The following IL20 variants were observed in gnomAD, a reference collection of about 807,000 sequenced individuals.
IL20 encodes the protein interleukin-20.
In IL20, 22 loss-of-function variants were observed where a neutral mutation model predicts 19.2. That is an observed-to-expected ratio of 1.15 (90% CI 0.82 to 1.64). The LOEUF (loss-of-function observed/expected upper bound fraction) is 1.64, where lower values mean the gene tolerates loss of function less well. Among genes scored for constraint, IL20 ranks in the 40% most tolerant of loss-of-function variants. The pLI, the probability that IL20 is intolerant of heterozygous loss-of-function variation, is 0.00. For missense variants in IL20, 215 were observed against 212.8 expected (o/e 1.01, Z -0.06); for synonymous variants, 70 against 76.2 (o/e 0.92, Z 0.43).
chr1:206,865,761 C>A lies in IL20; in HGVS notation c.-30-62C>A. ...TCTTCCCCTGACCCCCCACCCCTCA[C>A]CCCGTGGACACTTGGAGGAGGGGAA... is the stretch of plus-strand genomic sequence containing the variant. On this transcript the variant is annotated intron_variant, in intron 1 of 5. Coordinates refer to ENST00000367098, the MANE Select transcript of IL20 (RefSeq NM_018724.4). This position sits in a 1 kb window ranked among gnomAD's most constrained non-coding sequence, Gnocchi z 4.1. 1.3e-6 allele frequency: 2 copies of A among 1,531,404 alleles called. No individual in the cohort carries two copies. The highest frequency in any genetic ancestry group is 1.4e-5 in the African/African-American group (1 of 72,980). 94.9% of individuals were successfully genotyped at this position (1,531,404 alleles called of 1,614,324 possible). A position where few individuals can be genotyped will look rare whatever the true frequency, so the allele number is the denominator to read the frequency against.
chr1:206,867,030 T>G (rs1264516243), intron 4 of IL20, among the ~76,000 whole-genome samples: 1 of 89,286 alleles, frequency 1.1e-5, no homozygotes, highest in African/African-American at 4.5e-5. Context: ...GGAATTCAAT[T>G]CTTTTTTTTT....
chr1:206,868,595 C>T lies in IL20; in HGVS notation c.*31C>T, dbSNP rs146056865. 6.5e-6 allele frequency: 10 copies of T among 1,540,752 alleles called. No individual in the cohort carries two copies. The highest frequency in any genetic ancestry group is 4.1e-5 in the African/African-American group (3 of 72,828). ...AAGTGATGCTGCTGCTAAGAATATT[C>T]GAGGTCAAGAGCTCCAGTCTTCAAT... On this transcript the variant is annotated 3_prime_UTR_variant, in exon 6 of 6. Transcript: ENST00000367098.
chr1:206,868,530 A>G lies in IL20; in HGVS notation c.497A>G (p.Asp166Gly). The G allele has an allele frequency of 6.2e-7, 1 of 1,606,896 alleles. No individual in the cohort carries two copies. The highest frequency in any genetic ancestry group is 8.5e-7 in the Non-Finnish European group (1 of 1,176,638). ...GTTGTGAAGGCTTTGGGGGAACTAG[A>G]CATTCTTCTGCAATGGATGGAGGAG... is the stretch of plus-strand genomic sequence containing the variant. Reference protein sequence around the residue: ...AAVVKALGELDILLQWMEETE With the variant: ...AAVVKALGELGILLQWMEETE The change falls in exon 6 of 6, where the codon GAC (aspartate) becomes GGC (glycine). Residue 166 changes from aspartate to glycine, a missense_variant. Coordinates refer to ENST00000367098, the MANE Select transcript of IL20 (RefSeq NM_018724.4).
intron 4 of IL20, 136 bp downstream of exon 4, chr1:206,866,772 A>G (rs1677561983): frequency 2.2e-6 from 2 of 892,524 alleles, no homozygotes; most frequent in Non-Finnish European, 3.5e-6. Flanking sequence ...GTGTTGAGAC[A>G]TGTGACTAGG....
At chr1:206,864,005 G>C (rs1677482624), upstream of IL20, among the ~76,000 whole-genome samples, 2 of 152,146 alleles carry the variant, frequency 1.3e-5, no homozygotes, top group Admixed American at 1.3e-4. Flanking sequence ...TCAGAGGTGA[G>C]TTGACTTGTC....
chr1:206,865,606 A>C, upstream of IL20: 2 of 1,304,158 alleles, frequency 1.5e-6, no homozygotes, highest in Non-Finnish European at 2.0e-6. The surrounding 1 kb of genome is among the most constrained non-coding windows in gnomAD (Gnocchi z 4.1). Context: ...AGGAGCCACG[A>C]CCTGTGCCAC....
At chr1:206,865,575 G>A, upstream of IL20, 1 of 1,203,122 alleles carries the variant, frequency 8.3e-7, no homozygotes, top group Admixed American at 3.8e-5. This position sits in a 1 kb window ranked among gnomAD's most constrained non-coding sequence, Gnocchi z 4.1. Flanking sequence ...TAACGGCGGA[G>A]CCAGGATGGG....
Position 206,868,638 on chromosome 1 carries a change from G to T in IL20, c.*74G>T. ...TCTTCAATACCTGCAGAGGAGGCAT[G>T]ACCCCAAACCACCATCTCTTTACTG... is the stretch of plus-strand genomic sequence containing the variant. On this transcript the variant is annotated 3_prime_UTR_variant, in exon 6 of 6. Transcript: ENST00000367098. 1 of 1,079,194 alleles carries T rather than the reference G, an allele frequency of 9.3e-7. No homozygotes were observed. The highest frequency in any genetic ancestry group is 1.7e-5 in the South Asian group (1 of 60,132). The allele number at this position is 1,079,194 out of a possible 1,614,324, so 66.9% of individuals were successfully genotyped here. A position where few individuals can be genotyped will look rare whatever the true frequency, so the allele number is the denominator to read the frequency against.
chr1:206,866,181 T>G (rs1009603270), intron 2 of IL20, 118 bp from the exon 3 acceptor site: 17 of 1,210,164 alleles, frequency 1.4e-5, no homozygotes, highest in Non-Finnish European at 1.9e-5. Context: ...TTTAAAATGT[T>G]TTGGGAAAGG....
chr1:206,867,317 TG>T, intron 4 of IL20, 66 bp from the exon 5 acceptor site: 1 of 1,415,912 alleles, frequency 7.1e-7, no homozygotes, highest in Non-Finnish European at 1.0e-6. Flanking sequence ...AGTTTCTGCC[TG>T]CTTCATGTCA....
Position 206,868,632 on chromosome 1 carries a change from A to C in IL20, c.*68A>C. On this transcript the variant is annotated 3_prime_UTR_variant, in exon 6 of 6. Transcript: ENST00000367098. Reference sequence around the variant, plus strand: ...CTCCAGTCTTCAATACCTGCAGAGGAGGCATGACCCCAAACCACCATCTCT... The same window carrying C: ...CTCCAGTCTTCAATACCTGCAGAGGCGGCATGACCCCAAACCACCATCTCT... 1 of 1,183,398 alleles carries C rather than the reference A, an allele frequency of 8.5e-7. No homozygotes were observed. The highest frequency in any genetic ancestry group is 1.2e-6 in the Non-Finnish European group (1 of 845,784). 73.3% of individuals were successfully genotyped at this position (1,183,398 alleles called of 1,614,324 possible). A position where few individuals can be genotyped will look rare whatever the true frequency, so the allele number is the denominator to read the frequency against.
At chr1:206,865,576 C>A (rs1051988032), upstream of IL20, 3 of 1,202,030 alleles carry the variant, frequency 2.5e-6, no homozygotes, top group Non-Finnish European at 2.1e-6. This position sits in a 1 kb window ranked among gnomAD's most constrained non-coding sequence, Gnocchi z 4.1. Context: ...AACGGCGGAG[C>A]CAGGATGGGG....
Position 206,866,310 on chromosome 1 carries a change from T to C in IL20, c.171T>C (p.Asp57=), listed in dbSNP as rs1558631269. The change falls in exon 3 of 6, where the codon GAT becomes GAC. Residue 57 remains aspartate (D), a synonymous_variant. Coordinates refer to ENST00000367098, the MANE Select transcript of IL20 (RefSeq NM_018724.4). ...CTTCTTCTGTTTAGCAAGCCAAAGA[T>C]GGAAACATTGACATCAGAATCTTAA... ...SEIRGSVQAK[D]GNIDIRILRR... 3.7e-6 allele frequency: 6 copies of C among 1,614,088 alleles called. No individual in the cohort carries two copies. Among genetic ancestry groups the C allele is most frequent in the Non-Finnish European group, 8.5e-7 (1 of 1,179,990 alleles).
chr1:206,867,687 A>G (rs1572590581), intron 5 of IL20, among the ~76,000 whole-genome samples: 1 of 152,328 alleles, frequency 6.6e-6, no homozygotes, highest in Non-Finnish European at 1.5e-5. Context: ...CCATGATTCC[A>G]TCAAGTCACT....
rs1677643036 is a variant in IL20 at position 206,869,111 on chromosome 1, C to A, written c.*547C>A. On this transcript the variant is annotated 3_prime_UTR_variant, in exon 6 of 6. Transcript: ENST00000367098. ...GATGTGGAATTGCACATCTACCTTACAATTACTGACCATCCCCAGTAGACT... is the reference window on the plus strand; with the variant it reads ...GATGTGGAATTGCACATCTACCTTAAAATTACTGACCATCCCCAGTAGACT... 6.6e-6 allele frequency: 1 copy of A among 152,284 alleles called. No homozygotes were observed. The highest frequency in any genetic ancestry group is 2.1e-4 in the South Asian group (1 of 4,824). 9.4% of individuals were successfully genotyped at this position (152,284 alleles called of 1,614,324 possible).
intron 5 of IL20, 49 bp from the exon 6 acceptor site, chr1:206,868,438 A>G: frequency 7.0e-7 from 1 of 1,422,416 alleles, no homozygotes; most frequent in Non-Finnish European, 9.6e-7. Context: ...GTCCTGGAGC[A>G]AATGCTGTCT....
intron 2 of IL20, 129 bp downstream of exon 2, chr1:206,866,140 G>A (rs1677539114): frequency 8.8e-7 from 1 of 1,138,226 alleles, no homozygotes. Flanking sequence ...CCCGGGGGAT[G>A]TATTCCAAAG....
chr1:206,867,833 C>T (rs999133191), intron 5 of IL20, among the ~76,000 whole-genome samples: 1 of 151,874 alleles, frequency 6.6e-6, no homozygotes, highest in Non-Finnish European at 1.5e-5. Flanking sequence ...ACCTTCACAC[C>T]TTCTCATGTC....
chr1:206,867,816 A>G (rs1677602853), intron 5 of IL20, among the ~76,000 whole-genome samples: 1 of 152,052 alleles, frequency 6.6e-6, no homozygotes, highest in Middle Eastern at 3.4e-3. Context: ...ATGCCATTCA[A>G]TTTCTCACCT....
Sources: allele counts gnomAD v4.1 joint callset (sites outside exome capture counted in the v4.1 genomes callset), GRCh38; gene constraint gnomAD v4.1.1; non-coding constraint Gnocchi (gnomAD v3.1); transcripts MANE v1.5; gene names NCBI Gene and HGNC (gene_info 2026-07-23, HGNC 2026-07-21).